FOSL2: variants seen among roughly 807,000 people sequenced by gnomAD.
FOSL2 encodes fos-related antigen 2.
A neutral mutation model predicts 27.7 loss-of-function variants in FOSL2; 3 were observed. That is an observed-to-expected ratio of 0.11 (90% CI 0.05 to 0.28). The LOEUF is 0.28. FOSL2 is among the 10% of genes least tolerant of loss of function. The pLI is 1.00. For missense variants in FOSL2, 333 were observed against 445.1 expected, an observed-to-expected ratio of 0.75 and a Z score of 2.27; for synonymous variants, 179 against 190.1, an observed-to-expected ratio of 0.94 and a Z score of 0.48.
At chr2:28,402,051 CA>C (rs1663983984) in intron 1 of FOSL2, among the ~76,000 whole-genome samples, 1 of 152,204 alleles carries the variant, frequency 6.6e-6, no homozygotes, top group Non-Finnish European at 1.5e-5. Flanking sequence ...AACTTTCCTC[CA>C]GAATCCCAGA....
intron 3 of FOSL2, among the ~76,000 whole-genome samples, chr2:28,411,172 T>G (rs1162582669): frequency 6.7e-6 from 1 of 148,882 alleles, no homozygotes; most frequent in South Asian, 2.2e-4. Context: ...AAGAAAGAAA[T>G]TGGAGTGAAA....
intron 1 of FOSL2, chr2:28,397,018 T>C (rs1420190426): frequency 6.6e-6 from 1 of 151,994 alleles, no homozygotes; most frequent in Non-Finnish European, 1.5e-5. Flanking sequence ...TCCCAGAGAG[T>C]GTTAAATTGG....
chr2:28,398,407 G>A (rs1436064732), intron 1 of FOSL2, among the ~76,000 whole-genome samples: 1 of 152,224 alleles, frequency 6.6e-6, no homozygotes, highest in Non-Finnish European at 1.5e-5. Flanking sequence ...ACCTTCCGGT[G>A]GCTTTAATGG....
At position 28,415,637 on chromosome 2, in the gene FOSL2, C is replaced by T. The variant is rs181888258; in HGVS notation, c.*3189C>T. 2 of 152,294 alleles carry T rather than the reference C, an allele frequency of 1.3e-5. No individual in the cohort carries two copies. The highest frequency in any genetic ancestry group is 2.1e-4 in the South Asian group (1 of 4,828). The allele number at this position is 152,294 out of a possible 1,614,324, so 9.4% of individuals were successfully genotyped here. On this transcript the variant is annotated 3_prime_UTR_variant, in exon 4 of 4. Coordinates refer to ENST00000264716, the MANE Select transcript of FOSL2 (RefSeq NM_005253.4). ...CAATCTCGCCATTTAACTTTCAGGT[C>T]GATTTCCTTTCCTGATCAGACATCT...
rs1260819010 is a variant in FOSL2, at chr2:28,413,447, C to A, written c.*999C>A. On this transcript the variant is annotated 3_prime_UTR_variant, in exon 4 of 4. Coordinates refer to ENST00000264716, the MANE Select transcript of FOSL2 (RefSeq NM_005253.4). ...TCCCTGCCGGGCTCCGCCTTTCCCC[C>A]ACCCTGGCTCTCAGGGTGACGCCAC... The A allele has an allele frequency of 1.5e-5, 6 of 398,640 alleles. No individual in the cohort carries two copies. The highest frequency in any genetic ancestry group is 1.2e-4 in the African/African-American group (6 of 48,630). 24.7% of individuals were successfully genotyped at this position (398,640 alleles called of 1,614,324 possible). A position where few individuals can be genotyped will look rare whatever the true frequency, so the allele number is the denominator to read the frequency against.
chr2:28,410,815 C>T (rs1412107018), intron 3 of FOSL2, among the ~76,000 whole-genome samples: 1 of 152,192 alleles, frequency 6.6e-6, no homozygotes, highest in Non-Finnish European at 1.5e-5. Flanking sequence ...ACCAAATGTT[C>T]TCTGAGGGTT....
chr2:28,398,257 G>A (rs1663897900), intron 1 of FOSL2, among the ~76,000 whole-genome samples: 1 of 152,210 alleles, frequency 6.6e-6, no homozygotes, highest in Admixed American at 6.5e-5. Flanking sequence ...CCTGATTGAG[G>A]CAAATATATC....
In FOSL2 at chr2:28,412,140, C is replaced by G. The variant is rs759108536; in HGVS notation, c.673C>G (p.Pro225Ala). 6.2e-6 allele frequency: 10 copies of G among 1,605,640 alleles called. No homozygotes were observed. Among genetic ancestry groups the G allele is most frequent in the Non-Finnish European group, 8.5e-6 (10 of 1,176,452 alleles). Residue 225 changes from proline (P) to alanine (A), a missense_variant, in exon 4 of 4, where the codon CCC becomes GCC. Physicochemically the swap from Pro to Ala is conservative, Grantham distance 27 (BLOSUM62 -1). This residue lies in a region of FOSL2 where 136 missense variants were observed against 123.7 expected (regional missense o/e 1.10). Coordinates refer to ENST00000264716, the MANE Select transcript of FOSL2 (RefSeq NM_005253.4). This position sits in a 1 kb window ranked among gnomAD's most constrained non-coding sequence, Gnocchi z 7.1. ...SVGAVVVKQE[P>A]LEEDSPSSSS... ...GGGCGCTGTAGTGGTGAAACAGGAG[C>G]CCCTGGAAGAGGACAGCCCCTCGTC... is the stretch of plus-strand genomic sequence containing the variant.
chr2:28,408,719 T>C lies in FOSL2; in HGVS notation c.355-40T>C, dbSNP rs1254707249. Reference sequence around the variant, plus strand: ...GTTTTTAAAAAATACTGTGAACCATTGTCTCTGTTCTAACCATGATCCTTG... The same window carrying C: ...GTTTTTAAAAAATACTGTGAACCATCGTCTCTGTTCTAACCATGATCCTTG... On this transcript the variant is annotated intron_variant, in intron 2 of 3. Transcript: ENST00000264716. This position sits in a 1 kb window ranked among gnomAD's most constrained non-coding sequence, Gnocchi z 4.1. 3 of 1,401,750 alleles carry C rather than the reference T, an allele frequency of 2.1e-6. No individual in the cohort carries two copies. The highest frequency in any genetic ancestry group is 2.9e-6 in the Non-Finnish European group (3 of 1,024,006). The allele number at this position is 1,401,750 out of a possible 1,614,324, so 86.8% of individuals were successfully genotyped here.
rs1371996566 is a variant in FOSL2, at chr2:28,404,401, C to T, written c.354+43C>T. 1 of 1,580,120 alleles carries T rather than the reference C, an allele frequency of 6.3e-7. No individual in the cohort carries two copies. Among genetic ancestry groups the T allele is most frequent in the Middle Eastern group, 1.7e-4 (1 of 5,876 alleles). On this transcript the variant is annotated intron_variant, in intron 2 of 3. Coordinates refer to ENST00000264716, the MANE Select transcript of FOSL2 (RefSeq NM_005253.4). This position sits in a 1 kb window ranked among gnomAD's most constrained non-coding sequence, Gnocchi z 4.7. ...GGGAAGGAGCCACGTCAGTGGCTTT[C>T]AGAGCCCCAGAAACACAGAACGGGT...
intron 1 of FOSL2, chr2:28,395,395 C>G (rs1460534303): frequency 6.6e-6 from 1 of 152,188 alleles, no homozygotes; most frequent in Non-Finnish European, 1.5e-5. Context: ...TAGCAGTGAT[C>G]ATTGGAGTAT....
At chr2:28,405,124 C>T (rs1227024141) in intron 2 of FOSL2, among the ~76,000 whole-genome samples, 1 of 152,230 alleles carries the variant, frequency 6.6e-6, no homozygotes, top group Non-Finnish European at 1.5e-5. Context: ...GGCTCATTGC[C>T]TGGATCAGCA....
At position 28,393,740 on chromosome 2, in the gene FOSL2, G is replaced by T. The variant is rs1487695758; in HGVS notation, c.20G>T (p.Gly7Val). 1 of 1,610,308 alleles carries T rather than the reference G, an allele frequency of 6.2e-7. No individual in the cohort carries two copies. The highest frequency in any genetic ancestry group is 1.7e-5 in the Admixed American group (1 of 59,832). The change falls in exon 1 of 4, where the codon GGG (glycine) becomes GTG (valine). Residue 7 changes from glycine to valine, a missense_variant. Around this residue, in one of 4 missense-constraint regions of FOSL2, gnomAD observed 131 missense variants for 157.9 expected, o/e 0.83. Transcript: ENST00000264716. The surrounding 1 kb of genome is among the most constrained non-coding windows in gnomAD (Gnocchi z 4.6). MYQDYP[G>V]NFDTSSRGSS... is the part of the protein sequence containing the mutation. ...CGGATCATGTACCAGGATTATCCCG[G>T]GAACTTTGACACCTCGTCCCGGGGC...
At chr2:28,397,797 C>T (rs984092455) in intron 1 of FOSL2, among the ~76,000 whole-genome samples, 3 of 152,236 alleles carry the variant, frequency 2.0e-5, no homozygotes, top group Non-Finnish European at 4.4e-5. Flanking sequence ...AAAGGTTTTG[C>T]AGTACCCCCT....
In FOSL2 at chr2:28,404,823, CG is replaced by C. The variant is rs1300720328; in HGVS notation, c.354+467del. ...AGACCTACGGGGTCAAGCTCTGGGT[CG>C]GTACTGCCCACGACTTCCCATTCCT... is the stretch of plus-strand genomic sequence containing the variant. On this transcript the variant is annotated intron_variant, in intron 2 of 3. Transcript: ENST00000264716. This position sits in a 1 kb window ranked among gnomAD's most constrained non-coding sequence, Gnocchi z 4.7. Among the ~76,000 whole-genome samples the C allele has an allele frequency of 6.6e-6, 1 of 152,168 alleles. No individual in the cohort carries two copies. Among genetic ancestry groups the C allele is most frequent in the Non-Finnish European group, 1.5e-5 (1 of 68,028 alleles).
In FOSL2 at chr2:28,413,423, C is replaced by G. The variant is rs1369559060; in HGVS notation, c.*975C>G. ...AGGAGCCACACATTATACTCCAAGTCCCTGCCGGGCTCCGCCTTTCCCCCA... is the reference window on the plus strand; with the variant it reads ...AGGAGCCACACATTATACTCCAAGTGCCTGCCGGGCTCCGCCTTTCCCCCA... On this transcript the variant is annotated 3_prime_UTR_variant, in exon 4 of 4. Coordinates refer to ENST00000264716, the MANE Select transcript of FOSL2 (RefSeq NM_005253.4). 1 of 398,448 alleles carries G rather than the reference C, an allele frequency of 2.5e-6. No individual in the cohort carries two copies. Among genetic ancestry groups the G allele is most frequent in the African/African-American group, 2.1e-5 (1 of 48,612 alleles). The allele number at this position is 398,448 out of a possible 1,614,324, so 24.7% of individuals were successfully genotyped here.
At chr2:28,398,960 A>T (rs1663916695) in intron 1 of FOSL2, among the ~76,000 whole-genome samples, 1 of 152,208 alleles carries the variant, frequency 6.6e-6, no homozygotes, top group Non-Finnish European at 1.5e-5. Context: ...GATGGGAGGT[A>T]TGAGACAGAT....
At position 28,404,331 on chromosome 2, in the gene FOSL2, C is replaced by T. The variant is rs763093206; in HGVS notation, c.327C>T (p.Thr109=). 19 of 1,614,042 alleles carry T rather than the reference C, an allele frequency of 1.2e-5. No homozygotes were observed. Among genetic ancestry groups the T allele is most frequent in the African/African-American group, 9.3e-5 (7 of 74,922 alleles). The change falls in exon 2 of 4, where the codon ACC becomes ACT. Residue 109 remains threonine (T), a synonymous_variant. Coordinates refer to ENST00000264716, the MANE Select transcript of FOSL2 (RefSeq NM_005253.4). This position sits in a 1 kb window ranked among gnomAD's most constrained non-coding sequence, Gnocchi z 4.7. ...GCGTGATCAAGACCATTGGCACCAC[C>T]GTGGGCCGCAGGAGGAGAGATGAGC... ...RPGVIKTIGT[T]VGRRRRDEQL...
rs1200361701 is a variant in FOSL2 at position 28,416,354 on chromosome 2, CATTT to C, written c.*3911_*3914del. 6.6e-6 allele frequency: 1 copy of C among 151,840 alleles called. No homozygotes were observed. The highest frequency in any genetic ancestry group is 2.4e-5 in the African/African-American group (1 of 41,310). The allele number at this position is 151,840 out of a possible 1,614,324, so 9.4% of individuals were successfully genotyped here. Reference sequence around the variant, plus strand: ...GAAAGGGAGGGGGAGAAGAAATTGACATTTATTTTATTATTTATTTTAAATGTTT... The same window carrying C: ...GAAAGGGAGGGGGAGAAGAAATTGACATTTTATTATTTATTTTAAATGTTT... On this transcript the variant is annotated 3_prime_UTR_variant, in exon 4 of 4. Transcript: ENST00000264716.
Sources: allele counts gnomAD v4.1 joint callset (sites outside exome capture counted in the v4.1 genomes callset), GRCh38; gene constraint gnomAD v4.1.1; regional missense constraint gnomAD v4.1.1; non-coding constraint Gnocchi (gnomAD v3.1); transcripts MANE v1.5; gene names NCBI Gene and HGNC (gene_info 2026-07-23, HGNC 2026-07-21).